Variants in CACNA2D3 observed in about 807,000 individuals in gnomAD.
CACNA2D3 encodes the protein voltage-dependent calcium channel subunit alpha-2/delta-3.
CACNA2D3 carries 60 observed loss-of-function variants against 160.6 expected under a neutral mutation model. The observed-to-expected ratio is 0.37, with a 90% CI of 0.30 to 0.46. CACNA2D3 has a LOEUF of 0.46. Ranked by LOEUF, CACNA2D3 falls within the 20% of genes least tolerant of loss-of-function variation. The pLI is 1.00. For synonymous variants in CACNA2D3, 558 were observed against 492.9 expected, an observed-to-expected ratio of 1.13 and a Z score of -1.75; for missense variants, 1,205 against 1,365.0, an observed-to-expected ratio of 0.88 and a Z score of 1.85.
intron 35 of CACNA2D3, among the ~76,000 whole-genome samples, chr3:55,031,695 C>A (rs1703693236): frequency 6.6e-6 from 1 of 152,078 alleles, no homozygotes; most frequent in African/African-American, 2.4e-5. Context: ...GTATGTTGTT[C>A]GTGCCTTGGA....
chr3:54,786,179 C>G (rs760666938), intron 13 of CACNA2D3, among the ~76,000 whole-genome samples: 1 of 152,180 alleles, frequency 6.6e-6, no homozygotes, highest in Non-Finnish European at 1.5e-5. Context: ...ATTATTATTA[C>G]GTATTGCTTG....
At chr3:55,068,878 C>G (rs1704731467) in intron 35 of CACNA2D3, among the ~76,000 whole-genome samples, 1 of 152,176 alleles carries the variant, frequency 6.6e-6, no homozygotes, top group Non-Finnish European at 1.5e-5. Flanking sequence ...AGAAGTAAAA[C>G]TACAGAGAAA....
At chr3:54,648,300 G>A in intron 11 of CACNA2D3, among the ~76,000 whole-genome samples, 1 of 152,178 alleles carries the variant, frequency 6.6e-6, no homozygotes, top group East Asian at 1.9e-4. Context: ...AAATTTCAGT[G>A]TCCACAAGTA....
chr3:54,596,413 G>T (rs1009921782), intron 9 of CACNA2D3, among the ~76,000 whole-genome samples: 1 of 152,098 alleles, frequency 6.6e-6, no homozygotes, highest in African/African-American at 2.4e-5. Flanking sequence ...CCTTCCCCTT[G>T]TTGTTAACAC....
At position 54,885,305 on chromosome 3, in the gene CACNA2D3, A is replaced by G. The variant is rs368502712; in HGVS notation, c.1937A>G (p.Asp646Gly). Residue 646 changes from aspartate (D) to glycine (G), a missense_variant, in exon 22 of 38, where the codon GAT becomes GGT. Transcript: ENST00000474759. ...GGCCTGCATGACTTAGAACATCCCG[A>G]TGTGTCCTTGGCAGATGAATGGTAA... ...EEGLHDLEHP[D>G]VSLADEWSYC... 1.6e-5 allele frequency: 26 copies of G among 1,613,688 alleles called. No homozygotes were observed. In the African/African-American group the frequency reaches 2.9e-4, roughly 18 times the overall value.
intron 9 of CACNA2D3, among the ~76,000 whole-genome samples, chr3:54,617,177 T>G (rs1192416681): frequency 6.6e-6 from 1 of 152,150 alleles, no homozygotes; most frequent in Non-Finnish European, 1.5e-5. Flanking sequence ...TGCATGTGTT[T>G]TGGCACACCT....
rs188056879 is a variant in CACNA2D3 at position 54,629,198 on chromosome 3, T to C, written c.1053+1322T>C. 2.0e-5 allele frequency among the ~76,000 whole-genome samples: 3 copies of C among 152,130 alleles called. No individual in the cohort carries two copies. In the East Asian group the frequency reaches 5.8e-4, roughly 30 times the overall value. On this transcript the variant is annotated intron_variant, in intron 10 of 37. Transcript: ENST00000474759. The stretch of plus-strand genomic sequence containing the variant: ...GAGACCAGCAGAGACTCCCAAGGCC[T>C]TGCTGCTGTTGGTCTGCAGGCAGCT...
intron 2 of CACNA2D3, among the ~76,000 whole-genome samples, chr3:54,280,904 C>A (rs1702864238): frequency 1.3e-5 from 2 of 152,226 alleles, no homozygotes; most frequent in South Asian, 4.1e-4. Context: ...TGCCCACACA[C>A]TCCATACTTC....
chr3:54,848,569 A>G (rs1262955182), intron 17 of CACNA2D3, among the ~76,000 whole-genome samples: 1 of 152,240 alleles, frequency 6.6e-6, no homozygotes, highest in African/African-American at 2.4e-5. Context: ...GCCATCAGAT[A>G]CTTAGAAGAA....
At chr3:54,289,893 A>C (rs1193811339) in intron 2 of CACNA2D3, among the ~76,000 whole-genome samples, 3 of 152,148 alleles carry the variant, frequency 2.0e-5, no homozygotes, top group African/African-American at 7.2e-5. Context: ...CTTACACCTT[A>C]TACAAAAATT....
chr3:54,177,816 C>T (rs544257207), intron 2 of CACNA2D3: 33 of 152,210 alleles, frequency 2.2e-4, no homozygotes, highest in African/African-American at 7.9e-4. Context: ...TATCTTTAAC[C>T]TCAAGTGAAT....
At chr3:54,406,077 C>G (rs1026772444) in intron 4 of CACNA2D3, among the ~76,000 whole-genome samples, 27 of 152,062 alleles carry the variant, frequency 1.8e-4, no homozygotes, top group Non-Finnish European at 1.5e-4. Flanking sequence ...GAAAAGGAAA[C>G]TCTTGTATGC....
intron 4 of CACNA2D3, among the ~76,000 whole-genome samples, chr3:54,466,966 G>C (rs1329371868): frequency 1.3e-5 from 2 of 152,186 alleles, no homozygotes; most frequent in African/African-American, 2.4e-5. Flanking sequence ...GTGGCTTATA[G>C]CCTACTTGCT....
At chr3:54,779,403 A>G (rs570891557) in intron 13 of CACNA2D3, among the ~76,000 whole-genome samples, 1 of 152,300 alleles carries the variant, frequency 6.6e-6, no homozygotes, top group East Asian at 1.9e-4. Context: ...CTGGCCCAGA[A>G]TGGAATTTTT....
intron 35 of CACNA2D3, among the ~76,000 whole-genome samples, chr3:55,052,703 T>G (rs1399468107): frequency 1.3e-5 from 2 of 152,134 alleles, no homozygotes; most frequent in Non-Finnish European, 2.9e-5. Flanking sequence ...TGTTATGCCT[T>G]TTTAGTGAAT....
intron 5 of CACNA2D3, among the ~76,000 whole-genome samples, chr3:54,542,401 A>C (rs1347865241): frequency 6.6e-5 from 10 of 152,144 alleles, no homozygotes; most frequent in African/African-American, 2.4e-4. Context: ...ACATAGGCAC[A>C]AAGTAAAGTC....
At chr3:54,382,527 A>G (rs1334540589) in intron 3 of CACNA2D3, among the ~76,000 whole-genome samples, 2 of 152,232 alleles carry the variant, frequency 1.3e-5, no homozygotes, top group African/African-American at 2.4e-5. Flanking sequence ...TCACGCCTGT[A>G]ATCCCAGCAC....
chr3:54,420,903 G>T (rs1239579326), intron 4 of CACNA2D3, among the ~76,000 whole-genome samples: 2 of 152,182 alleles, frequency 1.3e-5, no homozygotes, highest in Non-Finnish European at 2.9e-5. Context: ...CTTTGATCTG[G>T]TAGTGTGGAG....
chr3:54,632,457 C>T (rs1358874183), intron 10 of CACNA2D3: 3 of 152,234 alleles, frequency 2.0e-5, no homozygotes, highest in African/African-American at 2.4e-5. Flanking sequence ...TTCAATGGTG[C>T]GAAGCTGTGT....
Sources: gnomAD v4.1 joint callset for allele counts (sites outside exome capture counted in the v4.1 genomes callset) on GRCh38, gnomAD v4.1.1 for gene constraint, MANE v1.5 for transcripts, NCBI Gene and HGNC (gene_info 2026-07-23, HGNC 2026-07-21) for gene names.